GAB4: variants seen among roughly 807,000 people sequenced by gnomAD.
GAB4 encodes the protein GRB2 associated binding protein family member 4, also known as GRB2-associated-binding protein 4.
A neutral mutation model predicts 51.3 loss-of-function variants in GAB4; 26 were observed. The ratio of observed to expected loss-of-function variants is 0.51; its 90% CI spans 0.37 to 0.70. The LOEUF (loss-of-function observed/expected upper bound fraction) is 0.70, where lower values mean the gene tolerates loss of function less well. Among genes scored for constraint, GAB4 ranks in the 30% least tolerant of loss-of-function variants. The pLI, the probability that GAB4 is intolerant of heterozygous loss-of-function variation, is 0.00. For synonymous variants in GAB4, 329 were observed against 291.2 expected (o/e 1.13, Z -1.32); for missense variants, 759 against 734.6 (o/e 1.03, Z -0.38).
chr22:16,988,806 G>A (rs576045758), intron 2 of GAB4, among the ~76,000 whole-genome samples: 4 of 152,266 alleles, frequency 2.6e-5, no homozygotes, highest in South Asian at 2.1e-4. Flanking sequence ...CTATACCCAC[G>A]ACCAAGGTAT....
At chr22:16,995,134 T>C (rs1296091139) in intron 1 of GAB4, among the ~76,000 whole-genome samples, 1 of 152,240 alleles carries the variant, frequency 6.6e-6, no homozygotes, top group East Asian at 1.9e-4. Flanking sequence ...CAGCCTGGTT[T>C]CACGGGCTCT....
rs1470414706 is a variant in GAB4 at position 16,992,122 on chromosome 22, C to A, written c.229G>T (p.Asp77Tyr). The part of the protein sequence containing the change: ...LRRGQTSSDP[D>Y]VLEYYKNDGS... Reference sequence around the variant, plus strand: ...TCATTCTTGTAGTATTCCAGAACATCTGGGTCACTGCTAGTCTGGCCCCTC... The same window carrying A: ...TCATTCTTGTAGTATTCCAGAACATATGGGTCACTGCTAGTCTGGCCCCTC... Residue 77 changes from aspartate (D) to tyrosine (Y), a missense_variant, in exon 2 of 10, where the codon GAT becomes TAT. Asp to Tyr is a radical substitution (Grantham distance 160). Transcript: ENST00000400588. The A allele has an allele frequency of 6.2e-7, 1 of 1,614,066 alleles. No homozygotes were observed. Among genetic ancestry groups the A allele is most frequent in the Non-Finnish European group, 8.5e-7 (1 of 1,180,016 alleles).
chr22:17,000,439 A>G (rs919742102), intron 1 of GAB4, among the ~76,000 whole-genome samples: 5 of 151,994 alleles, frequency 3.3e-5, no homozygotes, highest in African/African-American at 4.8e-5. Flanking sequence ...AGTCTGTTTT[A>G]TCAGAGACTA....
chr22:16,985,219 T>G (rs2060857922), intron 3 of GAB4, among the ~76,000 whole-genome samples: 1 of 152,238 alleles, frequency 6.6e-6, no homozygotes, highest in South Asian at 2.1e-4. Context: ...ATACATTTTT[T>G]GCCCACAGAT....
At chr22:16,989,059 G>A (rs756036486) in intron 2 of GAB4, among the ~76,000 whole-genome samples, 13 of 152,136 alleles carry the variant, frequency 8.5e-5, no homozygotes, top group South Asian at 2.1e-4. Context: ...CCCAGTCCAC[G>A]GGTTTTTGAG....
At chr22:16,982,827 CATGTCCA>C (rs2060837780) in intron 3 of GAB4, among the ~76,000 whole-genome samples, 1 of 152,192 alleles carries the variant, frequency 6.6e-6, no homozygotes, top group African/African-American at 2.4e-5. Flanking sequence ...AGTCTCGGAA[CATGTCCA>C]GGGTCCAGGG....
chr22:16,979,853 CCA>C (rs1335948768), intron 3 of GAB4, among the ~76,000 whole-genome samples: 2 of 152,102 alleles, frequency 1.3e-5, no homozygotes, highest in African/African-American at 4.8e-5. Context: ...TCAGAAATCA[CCA>C]CACATCTACA....
At chr22:16,969,892 C>A (rs1222468341) in intron 4 of GAB4, 51 bp downstream of exon 4, 2 of 1,609,600 alleles carry the variant, frequency 1.2e-6, no homozygotes, top group Non-Finnish European at 1.7e-6. Context: ...ACCAGGTGGC[C>A]CCCAAACTCC....
At position 17,007,470 on chromosome 22, in the gene GAB4, G is replaced by T. The variant is rs117905969; in HGVS notation, c.174+471C>A. Among the ~76,000 whole-genome samples the T allele has an allele frequency of 2.1e-3, 323 of 150,342 alleles. 5 individuals are homozygous for T. The East Asian group carries it at 0.032, about 15-fold the overall frequency. On this transcript the variant is annotated intron_variant, in intron 1 of 9. Coordinates refer to ENST00000400588, the MANE Select transcript of GAB4 (RefSeq NM_001037814.1). ...CCGCGTTTTCCTGGGGCCCGGGAGG[G>T]AAAGGGAGAGGGTGTGAGGTGCCTG...
intron 3 of GAB4, among the ~76,000 whole-genome samples, chr22:16,978,680 T>G (rs1039052393): frequency 6.9e-6 from 1 of 145,590 alleles, no homozygotes; most frequent in South Asian, 2.3e-4. Flanking sequence ...TAACTCATTT[T>G]GTGAGGCCAG....
chr22:16,969,661 G>A (rs763423023), intron 4 of GAB4: 27 of 647,756 alleles, frequency 4.2e-5, no homozygotes, highest in Non-Finnish European at 7.4e-5. Flanking sequence ...TTCCGCCTGG[G>A]GATGGCAGCA....
At chr22:16,979,500 T>C (rs2060809438) in intron 3 of GAB4, among the ~76,000 whole-genome samples, 1 of 152,220 alleles carries the variant, frequency 6.6e-6, no homozygotes, top group Admixed American at 6.5e-5. Context: ...TACACACCAC[T>C]GCTCAAGGAA....
At chr22:16,964,196 C>T (rs963210586) in intron 8 of GAB4, among the ~76,000 whole-genome samples, 1 of 152,130 alleles carries the variant, frequency 6.6e-6, no homozygotes, top group Non-Finnish European at 1.5e-5. Context: ...CGCAGGGTCC[C>T]GCAGCCTCCT....
At chr22:16,981,305 A>C (rs1246828951) in intron 3 of GAB4, among the ~76,000 whole-genome samples, 1 of 151,832 alleles carries the variant, frequency 6.6e-6, no homozygotes, top group Non-Finnish European at 1.5e-5. Flanking sequence ...CAATAAATAA[A>C]ATTTAGAGTG....
intron 3 of GAB4, among the ~76,000 whole-genome samples, chr22:16,971,072 C>T (rs566178721): frequency 3.3e-5 from 5 of 151,864 alleles, no homozygotes; most frequent in East Asian, 3.9e-4. Context: ...GTGATGTAGT[C>T]CCAGTTACTT....
intron 9 of GAB4, 33 bp from the exon 10 acceptor site, chr22:16,962,909 G>A (rs769217210): frequency 2.5e-6 from 4 of 1,592,294 alleles, no homozygotes; most frequent in African/African-American, 2.7e-5. Context: ...GGGAGTGGCA[G>A]TGTCTGTGAG....
chr22:16,988,135 C>G lies in GAB4; in HGVS notation c.511G>C (p.Gly171Arg). ...FLGNISSASH[G>R]LCSSPAEPSC... ...GGCTCAGCTGGAGAAGAGCAGAGGCCGTGACTGGCTGAGGAAATGTTTCCC... is the reference window on the plus strand; with the variant it reads ...GGCTCAGCTGGAGAAGAGCAGAGGCGGTGACTGGCTGAGGAAATGTTTCCC... The change falls in exon 3 of 10, where the codon GGC becomes CGC. Residue 171 changes from glycine to arginine, a missense_variant. Transcript: ENST00000400588. 1 of 1,613,108 alleles carries G rather than the reference C, an allele frequency of 6.2e-7. No homozygotes were observed. Among genetic ancestry groups the G allele is most frequent in the South Asian group, 1.1e-5 (1 of 90,860 alleles).
At position 16,966,258 on chromosome 22, in the gene GAB4, T is replaced by C. The variant is rs762029124; in HGVS notation, c.1130A>G (p.Asp377Gly). The change falls in exon 6 of 10, where the codon GAT becomes GGT. Residue 377 changes from aspartate (D) to glycine (G), a missense_variant. Physicochemically the swap from Asp to Gly is moderately conservative, Grantham distance 94 (BLOSUM62 -1). This residue lies in a region of GAB4 where 588 missense variants were observed against 510.2 expected (regional missense o/e 1.15). Coordinates refer to ENST00000400588, the MANE Select transcript of GAB4 (RefSeq NM_001037814.1). The part of the protein sequence containing the change: ...PTLPAVKQAG[D>G]DSQGVCIPVG... ...AGGGATGCAGACACCCTGGGAATCA[T>C]CGCCTGCTTGCTTCACAGCCGGCAG... 4.3e-6 allele frequency: 7 copies of C among 1,613,832 alleles called. No individual in the cohort carries two copies. The highest frequency in any genetic ancestry group is 2.2e-5 in the South Asian group (2 of 91,080).
intron 1 of GAB4, among the ~76,000 whole-genome samples, chr22:17,007,724 C>A (rs2061052857): frequency 6.6e-6 from 1 of 152,156 alleles, no homozygotes; most frequent in South Asian, 2.1e-4. Flanking sequence ...TAATAGGGTC[C>A]CCAGCCCTGG....
Sources: allele counts gnomAD v4.1 joint callset (sites outside exome capture counted in the v4.1 genomes callset), GRCh38; gene constraint gnomAD v4.1.1; regional missense constraint gnomAD v4.1.1; transcripts MANE v1.5; gene names NCBI Gene and HGNC (gene_info 2026-07-23, HGNC 2026-07-21).